ZNF519: variants seen among roughly 807,000 people sequenced by gnomAD.
ZNF519 encodes the protein zinc finger protein 519.
ZNF519 carries 7 observed loss-of-function variants against 7.4 expected under a neutral mutation model. The observed-to-expected ratio is 0.94, with a 90% CI of 0.54 to 1.77. The LOEUF (loss-of-function observed/expected upper bound fraction) is 1.77, where lower values mean the gene tolerates loss of function less well. Ranked by LOEUF, ZNF519 falls within the 40% of genes most tolerant of loss-of-function variation. The pLI is 0.00. For missense variants in ZNF519, 586 were observed against 623.1 expected (o/e 0.94, Z 0.63); for synonymous variants, 179 against 203.3 (o/e 0.88, Z 1.02).
At chr18:14,077,773 A>G (rs1417594533) in intron 4 of ZNF519, among the ~76,000 whole-genome samples, 1 of 152,114 alleles carries the variant, frequency 6.6e-6, no homozygotes, top group Non-Finnish European at 1.5e-5. Context: ...ACTGGATTCT[A>G]TGCTTCCTTG....
At chr18:14,077,999 TG>T (rs2046054980) in intron 4 of ZNF519, among the ~76,000 whole-genome samples, 1 of 152,064 alleles carries the variant, frequency 6.6e-6, no homozygotes, top group Admixed American at 6.6e-5. Context: ...CAGGATCAGG[TG>T]TTGTTGCGGA....
exon 5 of ZNF519, chr18:14,077,036 G>C (rs1047733047): frequency 2.6e-5 from 4 of 152,006 alleles, no homozygotes; most frequent in African/African-American, 9.7e-5. Flanking sequence ...TACTAATCCT[G>C]AAAATGTCCC....
At chr18:14,118,137 CA>C (rs2046254411) in intron 2 of ZNF519, among the ~76,000 whole-genome samples, 1 of 152,158 alleles carries the variant, frequency 6.6e-6, no homozygotes, top group Admixed American at 6.5e-5. Context: ...CGGCTCACTG[CA>C]AGCTCTGCCT....
intron 2 of ZNF519, among the ~76,000 whole-genome samples, chr18:14,118,089 C>T (rs867041667): frequency 5.3e-5 from 8 of 152,268 alleles, no homozygotes; most frequent in East Asian, 1.9e-4. Flanking sequence ...GACAGAGTCT[C>T]GCTCTGTCGT....
chr18:14,095,256 A>G (rs2046131312), downstream of ZNF519, among the ~76,000 whole-genome samples: 1 of 152,092 alleles, frequency 6.6e-6, no homozygotes, highest in African/African-American at 2.4e-5. Flanking sequence ...GGTTTTATGT[A>G]TGGTCATTAG....
downstream of ZNF519, among the ~76,000 whole-genome samples, chr18:14,098,019 A>G (rs949729072): frequency 7.2e-5 from 11 of 152,090 alleles, no homozygotes; most frequent in Admixed American, 2.0e-4. Context: ...AGCTCTCATC[A>G]TTGATAACCT....
At chr18:14,115,312 G>A (rs1184964464) in intron 2 of ZNF519, among the ~76,000 whole-genome samples, 1 of 152,156 alleles carries the variant, frequency 6.6e-6, no homozygotes, top group Admixed American at 6.5e-5. Flanking sequence ...TCCAAAGATG[G>A]GGTTTGGCTC....
Position 14,103,700 on chromosome 18 carries a change from C to T in ZNF519, c.*1217G>A, listed in dbSNP as rs1176099229. On this transcript the variant is annotated 3_prime_UTR_variant, in exon 3 of 3. Transcript: ENST00000590202. Reference sequence around the variant, plus strand: ...ACTTATGGAATCAACATTCTCCAAACTATTTGGAGTTTAATACCACTAAGG... The same window carrying T: ...ACTTATGGAATCAACATTCTCCAAATTATTTGGAGTTTAATACCACTAAGG... 6.6e-6 allele frequency: 1 copy of T among 152,004 alleles called. No homozygotes were observed. Among genetic ancestry groups the T allele is most frequent in the Non-Finnish European group, 1.5e-5 (1 of 67,970 alleles). The allele number at this position is 152,004 out of a possible 1,614,324, so 9.4% of individuals were successfully genotyped here. A position where few individuals can be genotyped will look rare whatever the true frequency, so the allele number is the denominator to read the frequency against.
chr18:14,076,768 G>A (rs2046049471), exon 5 of ZNF519: 1 of 152,076 alleles, frequency 6.6e-6, no homozygotes, highest in Non-Finnish European at 1.5e-5. Context: ...AACTGCCGAA[G>A]ATCTTGACCT....
At chr18:14,096,235 C>G (rs1345728481), downstream of ZNF519, among the ~76,000 whole-genome samples, 3 of 152,234 alleles carry the variant, frequency 2.0e-5, no homozygotes, top group African/African-American at 7.2e-5. Context: ...CTGTGGAAAG[C>G]TGGGAGATGG....
At chr18:14,093,693 A>G (rs988605387) in intron 2 of ZNF519, among the ~76,000 whole-genome samples, 2 of 152,230 alleles carry the variant, frequency 1.3e-5, no homozygotes, top group Non-Finnish European at 2.9e-5. Flanking sequence ...GAGAAACGAA[A>G]GTGGCATACA....
chr18:14,115,982 T>C (rs1416607903), intron 2 of ZNF519, among the ~76,000 whole-genome samples: 1 of 152,192 alleles, frequency 6.6e-6, no homozygotes, highest in Non-Finnish European at 1.5e-5. Context: ...AAGTTTGGGG[T>C]TATATGTACA....
downstream of ZNF519, among the ~76,000 whole-genome samples, chr18:14,097,641 G>C (rs1317690219): frequency 6.6e-6 from 1 of 152,198 alleles, no homozygotes; most frequent in Non-Finnish European, 1.5e-5. Context: ...CAAGGGGCTT[G>C]GATGTACAGA....
At chr18:14,117,758 G>A (rs2046252421) in intron 2 of ZNF519, among the ~76,000 whole-genome samples, 1 of 152,130 alleles carries the variant, frequency 6.6e-6, no homozygotes, top group African/African-American at 2.4e-5. Context: ...GGTGGGAGCA[G>A]GAGCAAGACA....
chr18:14,130,629 C>CA (rs2046324762), intron 1 of ZNF519, among the ~76,000 whole-genome samples: 1 of 151,944 alleles, frequency 6.6e-6, no homozygotes, highest in Non-Finnish European at 1.5e-5. Flanking sequence ...CCCACCCTCC[C>CA]AGGAGACACT....
exon 3 of ZNF519, chr18:14,085,053 G>A (rs541629350): frequency 7.2e-5 from 11 of 152,058 alleles, no homozygotes; most frequent in South Asian, 4.2e-4. Context: ...ATAGCAAATG[G>A]TCAAAGACAA....
chr18:14,097,354 G>A (rs1325948657), downstream of ZNF519, among the ~76,000 whole-genome samples: 1 of 152,144 alleles, frequency 6.6e-6, no homozygotes, highest in Non-Finnish European at 1.5e-5. Flanking sequence ...GAGTTTCAGA[G>A]GGTGACACAG....
intron 4 of ZNF519, among the ~76,000 whole-genome samples, chr18:14,077,768 A>G (rs1257841443): frequency 6.6e-6 from 1 of 152,130 alleles, no homozygotes; most frequent in Non-Finnish European, 1.5e-5. Flanking sequence ...GTCTTACTGG[A>G]TTCTATGCTT....
At chr18:14,118,853 T>C (rs2046257830) in intron 2 of ZNF519, among the ~76,000 whole-genome samples, 1 of 152,140 alleles carries the variant, frequency 6.6e-6, no homozygotes, top group Non-Finnish European at 1.5e-5. Flanking sequence ...TGTAACTCAG[T>C]TCTAGCCCTC....
Sources: allele counts gnomAD v4.1 joint callset (sites outside exome capture counted in the v4.1 genomes callset), GRCh38; gene constraint gnomAD v4.1.1; transcripts MANE v1.5; gene names NCBI Gene and HGNC (gene_info 2026-07-23, HGNC 2026-07-21).